ACACB: variants seen among roughly 807,000 people sequenced by gnomAD.
ACACB encodes the protein acetyl-CoA carboxylase 2.
Under a neutral mutation model 278.8 loss-of-function variants are expected in ACACB, and 209 were observed. The ratio of observed to expected loss-of-function variants is 0.75; its 90% CI spans 0.67 to 0.84. The LOEUF (loss-of-function observed/expected upper bound fraction) is 0.84. Among genes scored for constraint, ACACB ranks in the 40% least tolerant of loss-of-function variants. The pLI is 0.00. For synonymous variants in ACACB, 1,174 were observed against 1,285.6 expected, an observed-to-expected ratio of 0.91 and a Z score of 1.86; for missense variants, 2,850 against 3,269.0, an observed-to-expected ratio of 0.87 and a Z score of 3.13.
intron 1 of ACACB, among the ~76,000 whole-genome samples, chr12:109,137,514 G>C (rs985226428): frequency 2.0e-5 from 3 of 151,958 alleles, no homozygotes; most frequent in Non-Finnish European, 2.9e-5. Context: ...ACAAAAATTA[G>C]CCGGGCATGG....
At chr12:109,200,921 G>C (rs2045310562) in intron 18 of ACACB, among the ~76,000 whole-genome samples, 1 of 152,186 alleles carries the variant, frequency 6.6e-6, no homozygotes, top group Admixed American at 6.5e-5. Context: ...GGCTCAAGGA[G>C]GGGAGCCACT....
intron 27 of ACACB, among the ~76,000 whole-genome samples, chr12:109,225,543 C>T (rs896650704): frequency 6.6e-6 from 1 of 152,204 alleles, no homozygotes; most frequent in African/African-American, 2.4e-5. Context: ...CCATTCTTGA[C>T]AGGGAATGGT....
chr12:109,152,170 A>G (rs987736461), intron 2 of ACACB, among the ~76,000 whole-genome samples: 1 of 152,208 alleles, frequency 6.6e-6, no homozygotes, highest in Non-Finnish European at 1.5e-5. Flanking sequence ...TTTGCAATAG[A>G]GAATAAAAAT....
chr12:109,220,045 G>A (rs996379773), intron 24 of ACACB, among the ~76,000 whole-genome samples: 1 of 152,168 alleles, frequency 6.6e-6, no homozygotes, highest in African/African-American at 2.4e-5. Flanking sequence ...GTGGGTCTGT[G>A]GGTTATTTTG....
chr12:109,266,333 T>C lies in ACACB; in HGVS notation c.7348T>C (p.Ser2450Pro). ...AERAQVVHLL[S>P]TMDSPAST The stretch of plus-strand genomic sequence containing the variant: ...GCGGGCGCAGGTCGTTCACCTGCTG[T>C]CTACCATGGACAGCCCGGCCTCCAC... The change falls in exon 53 of 53, where the codon TCT becomes CCT. Residue 2450 changes from serine (S) to proline (P), a missense_variant. Transcript: ENST00000338432. 1 of 1,612,382 alleles carries C rather than the reference T, an allele frequency of 6.2e-7. No homozygotes were observed. Among genetic ancestry groups the C allele is most frequent in the Non-Finnish European group, 8.5e-7 (1 of 1,179,858 alleles).
rs200668190 is a variant in ACACB at position 109,216,818 on chromosome 12, A to G, written c.3462A>G (p.Ile1154Met). Residue 1154 changes from isoleucine to methionine, a missense_variant, in exon 24 of 53, where the codon ATA becomes ATG. Transcript: ENST00000338432. ...CAGCCCACTACGACAAGTGTGTGATAAACCTCAGGGAGCAGTTCAAGCCAG... is the reference window on the plus strand; with the variant it reads ...CAGCCCACTACGACAAGTGTGTGATGAACCTCAGGGAGCAGTTCAAGCCAG... ...FQQAHYDKCVINLREQFKPDM... is the reference protein window; with the variant it reads ...FQQAHYDKCVMNLREQFKPDM... The G allele has an allele frequency of 1.2e-4, 186 of 1,614,040 alleles. No homozygotes were observed. Among genetic ancestry groups the G allele is most frequent in the Non-Finnish European group, 1.5e-4 (173 of 1,180,034 alleles).
At chr12:109,120,951 T>A (rs2042533857) in intron 1 of ACACB, among the ~76,000 whole-genome samples, 1 of 152,202 alleles carries the variant, frequency 6.6e-6, no homozygotes, top group African/African-American at 2.4e-5. Context: ...TTCTTTTTTA[T>A]TTTTTTGAGA....
At chr12:109,239,023 T>C (rs2046718939) in intron 34 of ACACB, among the ~76,000 whole-genome samples, 1 of 152,068 alleles carries the variant, frequency 6.6e-6, no homozygotes, top group South Asian at 2.1e-4. Context: ...TTCAAGCGAT[T>C]CTCCTGCGTC....
rs2047555674 is a variant in ACACB at position 109,267,982 on chromosome 12, T to A, written c.*1620T>A. ...AAATCTGACCATCAGCCAGTGACAG[T>A]CCTGGCAAATGAAGGTGGGGCGGGG... On this transcript the variant is annotated 3_prime_UTR_variant, in exon 53 of 53. Coordinates refer to ENST00000338432, the MANE Select transcript of ACACB (RefSeq NM_001093.4). 1 of 146,022 alleles carries A rather than the reference T, an allele frequency of 6.8e-6. No homozygotes were observed. The highest frequency in any genetic ancestry group is 2.3e-4 in the South Asian group (1 of 4,302). The allele number at this position is 146,022 out of a possible 1,614,324, so 9.0% of individuals were successfully genotyped here. A position where few individuals can be genotyped will look rare whatever the true frequency, so the allele number is the denominator to read the frequency against.
intron 29 of ACACB, 143 bp downstream of exon 29, chr12:109,232,949 A>G: frequency 2.0e-6 from 2 of 1,005,206 alleles, no homozygotes; most frequent in Middle Eastern, 3.2e-4. Flanking sequence ...CAGAATAATA[A>G]TAGCATTGTA....
At chr12:109,158,631 G>C (rs773882029) in intron 2 of ACACB, among the ~76,000 whole-genome samples, 1 of 151,916 alleles carries the variant, frequency 6.6e-6, no homozygotes, top group Non-Finnish European at 1.5e-5. Context: ...AACTATTTTT[G>C]CACCACTGCA....
chr12:109,121,736 C>T (rs764522821), intron 1 of ACACB, among the ~76,000 whole-genome samples: 19 of 152,204 alleles, frequency 1.2e-4, no homozygotes, highest in Non-Finnish European at 2.1e-4. Context: ...GGCACAGACA[C>T]ACCTGAGCTG....
intron 24 of ACACB, among the ~76,000 whole-genome samples, chr12:109,219,619 T>C (rs888988674): frequency 1.3e-5 from 2 of 152,130 alleles, no homozygotes; most frequent in African/African-American, 4.8e-5. Flanking sequence ...GCGAAAATAG[T>C]GTAAAGGATT....
rs371796559 is a variant in ACACB at position 109,222,609 on chromosome 12, A to C, written c.3667A>C (p.Arg1223=). The part of the protein sequence containing the change: ...SKSEHCKVAL[R]ARQILIASHL... ...AAGCGAGCACTGCAAAGTGGCCCTC[A>C]GAGCCCGGCAGGTAGGGTCTCAGGG... Residue 1223 remains arginine (R), a synonymous_variant, in exon 25 of 53, where the codon AGA becomes CGA. Coordinates refer to ENST00000338432, the MANE Select transcript of ACACB (RefSeq NM_001093.4). 1.2e-5 allele frequency: 19 copies of C among 1,614,028 alleles called. No individual in the cohort carries two copies. Among genetic ancestry groups the C allele is most frequent in the Admixed American group, 1.7e-5 (1 of 60,002 alleles).
At chr12:109,201,766 A>G (rs1242456626) in intron 19 of ACACB, 65 bp downstream of exon 19, 4 of 1,579,278 alleles carry the variant, frequency 2.5e-6, no homozygotes, top group African/African-American at 2.7e-5. Flanking sequence ...CCACTGGTTC[A>G]GTGAGACAGG....
At position 109,191,697 on chromosome 12, in the gene ACACB, C is replaced by A. The variant is rs1392927422; in HGVS notation, c.2229C>A (p.Thr743=). 6.2e-7 allele frequency: 1 copy of A among 1,614,192 alleles called. No homozygotes were observed. The highest frequency in any genetic ancestry group is 1.7e-5 in the Admixed American group (1 of 60,016). The change falls in exon 14 of 53, where the codon ACC becomes ACA. Residue 743 remains threonine (T), a synonymous_variant. Coordinates refer to ENST00000338432, the MANE Select transcript of ACACB (RefSeq NM_001093.4). The stretch of plus-strand genomic sequence containing the variant: ...AATACCTCATTAACCTCCTGGAGAC[C>A]GAGAGCTTCCAGAACAACGACATCG... ...TVEYLINLLE[T]ESFQNNDIDT...
Position 109,188,149 on chromosome 12 carries a change from G to T in ACACB, c.2131G>T (p.Glu711Ter). The change falls in exon 13 of 53, where the codon GAA becomes TAA. Residue 711 changes from glutamate to a stop codon, truncating the protein, a stop_gained. Transcript: ENST00000338432. LOFTEE classifies it high-confidence loss of function. ...GHCFSWGENR[E>*]EAISNMVVAL... The stretch of plus-strand genomic sequence containing the variant: ...CTGCTTCTCCTGGGGAGAGAACCGG[G>T]AAGAGGCCATTTCGTCAGTATCTCC... The T allele has an allele frequency of 1.2e-6, 2 of 1,601,450 alleles. No individual in the cohort carries two copies. The highest frequency in any genetic ancestry group is 1.7e-6 in the Non-Finnish European group (2 of 1,169,750).
Position 109,225,134 on chromosome 12 carries a change from A to G in ACACB, c.3882+1230A>G, listed in dbSNP as rs147768027. Among the ~76,000 whole-genome samples the G allele has an allele frequency of 5.9e-5, 9 of 152,212 alleles. No individual in the cohort carries two copies. In the East Asian group the frequency reaches 1.7e-3, roughly 30 times the overall value. The stretch of plus-strand genomic sequence containing the variant: ...TTTGTTTCTAACAGGGAGACCTAAT[A>G]CACCTCTTCTGTAGTTACTTTAAAC... On this transcript the variant is annotated intron_variant, in intron 27 of 52. Coordinates refer to ENST00000338432, the MANE Select transcript of ACACB (RefSeq NM_001093.4).
chr12:109,130,604 T>G (rs1442140839), intron 1 of ACACB, among the ~76,000 whole-genome samples: 1 of 152,178 alleles, frequency 6.6e-6, no homozygotes, highest in African/African-American at 2.4e-5. Context: ...CGCATTCAGC[T>G]GTAGGTTGCA....
Sources: gnomAD v4.1 joint callset for allele counts (sites outside exome capture counted in the v4.1 genomes callset) on GRCh38, gnomAD v4.1.1 for gene constraint, MANE v1.5 for transcripts, NCBI Gene and HGNC (gene_info 2026-07-23, HGNC 2026-07-21) for gene names.